The following ADAMTS17 variants were observed in gnomAD, a reference collection of about 807,000 sequenced individuals.
ADAMTS17 encodes the protein A disintegrin and metalloproteinase with thrombospondin motifs 17.
A neutral mutation model predicts 141.5 loss-of-function variants in ADAMTS17; 113 were observed. That is an observed-to-expected ratio of 0.80 (90% CI 0.69 to 0.93). The LOEUF (loss-of-function observed/expected upper bound fraction) is 0.93. Ranked by LOEUF, ADAMTS17 falls within the 40% of genes least tolerant of loss-of-function variation. The pLI is 0.00. For missense variants in ADAMTS17, 1,659 were observed against 1,517.9 expected, an observed-to-expected ratio of 1.09 and a Z score of -1.54; for synonymous variants, 768 against 630.6, an observed-to-expected ratio of 1.22 and a Z score of -3.27.
chr15:100,076,099 G>A (rs185449238), intron 15 of ADAMTS17, among the ~76,000 whole-genome samples: 150 of 152,132 alleles, frequency 9.9e-4, no homozygotes, highest in African/African-American at 3.5e-3. Context: ...CTGGAGCACA[G>A]TGCCGTGATC....
chr15:100,302,927 C>T (rs958344647), intron 3 of ADAMTS17, among the ~76,000 whole-genome samples: 2 of 151,946 alleles, frequency 1.3e-5, no homozygotes, highest in African/African-American at 4.8e-5. Context: ...CTGGCCTGGC[C>T]TCCCAGCCTA....
chr15:100,167,644 C>T (rs371881604), intron 8 of ADAMTS17, among the ~76,000 whole-genome samples: 29 of 152,272 alleles, frequency 1.9e-4, no homozygotes, highest in African/African-American at 7.0e-4. Context: ...CTATGGATGG[C>T]ATGCAGTGTA....
At chr15:100,074,984 A>G (rs1892597393) in intron 15 of ADAMTS17, among the ~76,000 whole-genome samples, 1 of 152,122 alleles carries the variant, frequency 6.6e-6, no homozygotes, top group African/African-American at 2.4e-5. Context: ...GCTGTATACT[A>G]TTTAGTTGGA....
intron 18 of ADAMTS17, among the ~76,000 whole-genome samples, chr15:100,022,634 C>G (rs2061426697): frequency 1.3e-5 from 2 of 152,134 alleles, no homozygotes; most frequent in Middle Eastern, 3.2e-3. Flanking sequence ...CCACCCAGCC[C>G]TGACAGGTTT....
At chr15:100,326,202 C>T (rs1289000523) in intron 3 of ADAMTS17, among the ~76,000 whole-genome samples, 1 of 152,126 alleles carries the variant, frequency 6.6e-6, no homozygotes. Context: ...CATTTATATG[C>T]AAATAAATGT....
chr15:100,210,995 G>C (rs547064493), intron 7 of ADAMTS17, among the ~76,000 whole-genome samples: 31 of 152,110 alleles, frequency 2.0e-4, no homozygotes, highest in African/African-American at 7.5e-4. Flanking sequence ...CAGCTACTCG[G>C]GGGCTGAGGC....
chr15:100,197,956 T>G (rs2041183342), intron 8 of ADAMTS17, among the ~76,000 whole-genome samples: 1 of 152,086 alleles, frequency 6.6e-6, no homozygotes, highest in Non-Finnish European at 1.5e-5. Flanking sequence ...TTCTCACTCA[T>G]AAGTGGGAGT....
intron 7 of ADAMTS17, among the ~76,000 whole-genome samples, chr15:100,230,542 T>C (rs1308794032): frequency 2.0e-5 from 3 of 152,182 alleles, no homozygotes; most frequent in African/African-American, 7.2e-5. Flanking sequence ...CAAATTGCAA[T>C]GGCATCATAG....
At chr15:100,043,902 T>C (rs1433104667) in intron 18 of ADAMTS17, among the ~76,000 whole-genome samples, 1 of 152,266 alleles carries the variant, frequency 6.6e-6, no homozygotes, top group Admixed American at 6.5e-5. Flanking sequence ...TCTGTAGCAA[T>C]ACACACACTT....
At chr15:100,179,557 T>C (rs548642751) in intron 8 of ADAMTS17, among the ~76,000 whole-genome samples, 2 of 152,338 alleles carry the variant, frequency 1.3e-5, no homozygotes, top group East Asian at 1.9e-4. Flanking sequence ...TTTGGGTATA[T>C]ACCTAGCAGA....
At chr15:100,142,605 T>C (rs1233594166) in intron 10 of ADAMTS17, among the ~76,000 whole-genome samples, 1 of 152,216 alleles carries the variant, frequency 6.6e-6, no homozygotes, top group East Asian at 1.9e-4. Context: ...AGAGTTTATA[T>C]TCCCATTTTG....
chr15:100,308,404 C>G (rs1403157708), intron 3 of ADAMTS17, among the ~76,000 whole-genome samples: 1 of 152,188 alleles, frequency 6.6e-6, no homozygotes, highest in South Asian at 2.1e-4. Context: ...GCAGGGAACA[C>G]CATCGTTCAC....
chr15:100,292,401 A>G (rs1567497728), intron 3 of ADAMTS17, among the ~76,000 whole-genome samples: 1 of 150,946 alleles, frequency 6.6e-6, no homozygotes, highest in African/African-American at 2.4e-5. Context: ...AAATTACGAG[A>G]GACACTCACC....
intron 7 of ADAMTS17, among the ~76,000 whole-genome samples, chr15:100,214,428 G>A (rs1220534807): frequency 2.0e-5 from 3 of 152,170 alleles, no homozygotes; most frequent in Admixed American, 2.0e-4. Context: ...CCAGGCTGAA[G>A]TGATTCATTC....
At chr15:100,073,695 T>C (rs1276055387) in intron 15 of ADAMTS17, among the ~76,000 whole-genome samples, 1 of 135,366 alleles carries the variant, frequency 7.4e-6, no homozygotes, top group Non-Finnish European at 1.5e-5. Flanking sequence ...TTCTCACTCA[T>C]AGGTGGGAAT....
chr15:100,309,528 A>C (rs964736395), intron 3 of ADAMTS17, among the ~76,000 whole-genome samples: 1 of 152,158 alleles, frequency 6.6e-6, no homozygotes, highest in African/African-American at 2.4e-5. Flanking sequence ...TGCCTGTCTC[A>C]CCACCCTGGC....
At chr15:100,189,509 G>A (rs1048328799) in intron 8 of ADAMTS17, among the ~76,000 whole-genome samples, 1 of 152,164 alleles carries the variant, frequency 6.6e-6, no homozygotes, top group Non-Finnish European at 1.5e-5. Flanking sequence ...CAGATGCAGA[G>A]CCACCAACAC....
At chr15:100,305,118 T>C (rs1222821361) in intron 3 of ADAMTS17, among the ~76,000 whole-genome samples, 4 of 152,042 alleles carry the variant, frequency 2.6e-5, no homozygotes, top group African/African-American at 9.7e-5. Context: ...CATGTTGTGG[T>C]GCAGGAGCAG....
chr15:100,071,710 T>G (rs1441376565), intron 15 of ADAMTS17, among the ~76,000 whole-genome samples: 2 of 150,180 alleles, frequency 1.3e-5, no homozygotes, highest in Admixed American at 6.7e-5. Flanking sequence ...ATTCAACAAC[T>G]CTTCATGCTA....
Sources: allele counts gnomAD v4.1 joint callset (sites outside exome capture counted in the v4.1 genomes callset), GRCh38; gene constraint gnomAD v4.1.1; transcripts MANE v1.5; gene names NCBI Gene and HGNC (gene_info 2026-07-23, HGNC 2026-07-21).